RYR2: variants seen among roughly 807,000 people sequenced by gnomAD.
RYR2 encodes ryanodine receptor 2.
A neutral mutation model predicts 601.1 loss-of-function variants in RYR2; 227 were observed. That is an observed-to-expected ratio of 0.38 (90% CI 0.34 to 0.42). The LOEUF is 0.42. Among genes scored for constraint, RYR2 ranks in the 10% least tolerant of loss-of-function variants. The pLI is 1.00. For missense variants in RYR2, 4,646 were observed against 6,156.5 expected (o/e 0.75, Z 8.21); for synonymous variants, 2,223 against 2,175.1 (o/e 1.02, Z -0.61).
chr1:237,446,311 G>A (rs761957309), intron 14 of RYR2, among the ~76,000 whole-genome samples: 12 of 152,126 alleles, frequency 7.9e-5, no homozygotes, highest in Non-Finnish European at 1.3e-4. Flanking sequence ...GATTGCATTT[G>A]TCTCTTTAAA....
chr1:237,642,797 A>G (rs140043839), intron 47 of RYR2, among the ~76,000 whole-genome samples: 1 of 152,316 alleles, frequency 6.6e-6, no homozygotes, highest in East Asian at 1.9e-4. Context: ...AACTGTTAGG[A>G]TTTATGTTCG....
chr1:237,400,034 A>T (rs967683291), intron 10 of RYR2, among the ~76,000 whole-genome samples: 1 of 126,472 alleles, frequency 7.9e-6, no homozygotes, highest in Non-Finnish European at 1.7e-5. Flanking sequence ...ATGGTTTAGA[A>T]CTTACACACA....
At chr1:237,480,244 C>A (rs1393336765) in intron 17 of RYR2, among the ~76,000 whole-genome samples, 2 of 151,764 alleles carry the variant, frequency 1.3e-5, no homozygotes, top group Non-Finnish European at 2.9e-5. Context: ...CATGGTGAAA[C>A]CTCGTCTGTA....
chr1:237,806,461 C>T (rs1398708929), intron 99 of RYR2, among the ~76,000 whole-genome samples, 178 bp downstream of exon 99: 2 of 152,148 alleles, frequency 1.3e-5, no homozygotes, highest in Non-Finnish European at 2.9e-5. Context: ...TAGGCCTATA[C>T]TCAAGCCTTG....
chr1:237,364,916 G>C (rs924263312), intron 5 of RYR2, among the ~76,000 whole-genome samples: 1 of 152,062 alleles, frequency 6.6e-6, no homozygotes, highest in Non-Finnish European at 1.5e-5. Context: ...AATTCAGCCA[G>C]CCCCTTATTC....
At chr1:237,126,485 C>T (rs1359722079) in intron 1 of RYR2, among the ~76,000 whole-genome samples, 2 of 152,150 alleles carry the variant, frequency 1.3e-5, no homozygotes, top group Non-Finnish European at 2.9e-5. Context: ...TTTTATCTCC[C>T]TCCCTCCTAC....
In RYR2 at chr1:237,823,856, G is replaced by T. The variant is rs574534688; in HGVS notation, c.14591-4525G>T. Among the ~76,000 whole-genome samples, 3 of 152,196 alleles carry T rather than the reference G, an allele frequency of 2.0e-5. No homozygotes were observed. In the East Asian group the frequency reaches 5.8e-4, roughly 29 times the overall value. On this transcript the variant is annotated intron_variant, in intron 101 of 104. Coordinates refer to ENST00000366574, the MANE Select transcript of RYR2 (RefSeq NM_001035.3). ...AAATTATAAAGGGGATATCACCACC[G>T]ATCCCACAGATATACAAACTACCAT...
chr1:237,727,365 G>C (rs1690287988), intron 76 of RYR2, among the ~76,000 whole-genome samples, 166 bp downstream of exon 76: 1 of 152,124 alleles, frequency 6.6e-6, no homozygotes, highest in Admixed American at 6.6e-5. Context: ...GATATTTTCG[G>C]AGAACTGTGG....
At chr1:237,171,867 A>C (rs1677437974) in intron 1 of RYR2, among the ~76,000 whole-genome samples, 2 of 152,218 alleles carry the variant, frequency 1.3e-5, no homozygotes, top group African/African-American at 4.8e-5. Context: ...GGAGGTTTTC[A>C]ATGGGAATAT....
At chr1:237,559,598 A>G (rs1389260623) in intron 27 of RYR2, among the ~76,000 whole-genome samples, 1 of 152,150 alleles carries the variant, frequency 6.6e-6, no homozygotes, top group East Asian at 1.9e-4. Flanking sequence ...CTTTGAACAG[A>G]TTTAAAATAC....
chr1:237,756,109 G>GA lies in RYR2; in HGVS notation c.11146-170dup, dbSNP rs35560079. On this transcript the variant is annotated intron_variant, in intron 80 of 104. Coordinates refer to ENST00000366574, the MANE Select transcript of RYR2 (RefSeq NM_001035.3). ...ACATATCAAGAAAACTATAAAGGGGGAAAAAAAAACAATAGTTGAATATGT... is the reference window on the plus strand; with the variant it reads ...ACATATCAAGAAAACTATAAAGGGGGAAAAAAAAAACAATAGTTGAATATGT... Among the ~76,000 whole-genome samples the GA allele has an allele frequency of 2.8e-3, 418 of 151,354 alleles. 2 individuals carry two copies. The highest frequency in any genetic ancestry group is 0.021 in the Middle Eastern group (6 of 292).
intron 79 of RYR2, among the ~76,000 whole-genome samples, chr1:237,740,405 C>T (rs1691506754): frequency 6.6e-6 from 1 of 152,110 alleles, no homozygotes; most frequent in African/African-American, 2.4e-5. Context: ...GAGCAAATCT[C>T]ATTAAATTTT....
In RYR2 at chr1:237,110,421, C is replaced by G. The variant is rs1415782466; in HGVS notation, c.48+67852C>G. 4.7e-5 allele frequency among the ~76,000 whole-genome samples: 7 copies of G among 149,174 alleles called. No individual in the cohort carries two copies. In the South Asian group the frequency reaches 1.5e-3, roughly 33 times the overall value. ...CTAATGCTATCCCTCCCCCCTCCCCCCATCCCACAACAGTCCCCGAAGTGT... is the reference window on the plus strand; with the variant it reads ...CTAATGCTATCCCTCCCCCCTCCCCGCATCCCACAACAGTCCCCGAAGTGT... On this transcript the variant is annotated intron_variant, in intron 1 of 104. Coordinates refer to ENST00000366574, the MANE Select transcript of RYR2 (RefSeq NM_001035.3).
At chr1:237,311,758 C>T (rs899122207) in intron 2 of RYR2, among the ~76,000 whole-genome samples, 4 of 151,948 alleles carry the variant, frequency 2.6e-5, no homozygotes, top group South Asian at 2.1e-4. Context: ...GGATTACAGG[C>T]GCGAACCACC....
intron 1 of RYR2, among the ~76,000 whole-genome samples, chr1:237,142,118 C>A (rs1284468784): frequency 6.6e-6 from 1 of 152,202 alleles, no homozygotes; most frequent in Non-Finnish European, 1.5e-5. Flanking sequence ...CTCCTTGGGT[C>A]TTTCTGAAGC....
intron 1 of RYR2, among the ~76,000 whole-genome samples, chr1:237,226,031 G>A (rs1487057318): frequency 6.6e-6 from 1 of 151,514 alleles, no homozygotes; most frequent in Non-Finnish European, 1.5e-5. Context: ...CTCCAGCCTG[G>A]GTGACAGAAT....
chr1:237,093,952 T>C (rs1219094712), intron 1 of RYR2, among the ~76,000 whole-genome samples: 1 of 152,114 alleles, frequency 6.6e-6, no homozygotes, highest in Admixed American at 6.5e-5. Flanking sequence ...GCAGGAGTCC[T>C]GGGTATTTGG....
chr1:237,114,420 G>C (rs1669833038), intron 1 of RYR2, among the ~76,000 whole-genome samples: 1 of 152,192 alleles, frequency 6.6e-6, no homozygotes, highest in African/African-American at 2.4e-5. Flanking sequence ...AAATGGACAT[G>C]ACATCTTCAC....
At chr1:237,080,787 C>T (rs1478706009) in intron 1 of RYR2, among the ~76,000 whole-genome samples, 2,667 of 100,506 alleles carry the variant, frequency 0.027, 88 homozygotes, top group African/African-American at 0.1. Context: ...TGGGTATATA[C>T]CCAAATGAGT....
Sources: allele counts gnomAD v4.1 joint callset (sites outside exome capture counted in the v4.1 genomes callset), GRCh38; gene constraint gnomAD v4.1.1; transcripts MANE v1.5; gene names NCBI Gene and HGNC (gene_info 2026-07-23, HGNC 2026-07-21).